SLC36A3: variants seen among roughly 807,000 people sequenced by gnomAD.
The protein encoded by SLC36A3 is solute carrier family 36 member 3.
SLC36A3 carries 35 observed loss-of-function variants against 44.3 expected under a neutral mutation model. The observed-to-expected ratio is 0.79, with a 90% confidence interval of 0.60 to 1.05. The LOEUF (loss-of-function observed/expected upper bound fraction) is 1.05. Ranked by LOEUF, SLC36A3 falls within the 50% of genes least tolerant of loss-of-function variation. The pLI, the probability that SLC36A3 is intolerant of heterozygous loss-of-function variation, is 0.00. For missense variants in SLC36A3, 540 were observed against 578.7 expected (o/e 0.93, Z 0.69); for synonymous variants, 211 against 227.6 (o/e 0.93, Z 0.66).
At chr5:151,283,419 C>A (rs12109313) in intron 8 of SLC36A3, among the ~76,000 whole-genome samples, 24,658 of 152,070 alleles carry the variant, frequency 0.16, 2,596 homozygotes, top group East Asian at 0.3. Flanking sequence ...TAGCTGAGGT[C>A]CCAGGAAGGA....
intron 5 of SLC36A3, among the ~76,000 whole-genome samples, 172 bp downstream of exon 5, chr5:151,288,214 A>G (rs6579847): frequency 0.16 from 24,171 of 152,160 alleles, 2,475 homozygotes; most frequent in East Asian, 0.3. Flanking sequence ...TAGCTCGTCT[A>G]TCCTTTCAAA....
At chr5:151,298,844 C>G (rs113566131) in intron 1 of SLC36A3, among the ~76,000 whole-genome samples, 161 bp from the exon 2 acceptor site, 1,676 of 152,228 alleles carry the variant, frequency 0.011, 18 homozygotes, top group African/African-American at 0.038. Flanking sequence ...GGGGTCTGTC[C>G]TGGAACATCT....
Position 151,277,075 on chromosome 5 carries a change from T to C in SLC36A3, c.*318A>G. 2.9e-6 allele frequency: 1 copy of C among 343,228 alleles called. No individual in the cohort carries two copies. The highest frequency in any genetic ancestry group is 5.4e-6 in the Non-Finnish European group (1 of 186,738). The allele number at this position is 343,228 out of a possible 1,614,324, so 21.3% of individuals were successfully genotyped here. ...AGTGTAGAGAAAACAGTTACTTTTG[T>C]ATTTATGCTTGGTCTCTGTTTCAAG... On this transcript the variant is annotated 3_prime_UTR_variant, in exon 10 of 10. Coordinates refer to ENST00000335230, the MANE Select transcript of SLC36A3 (RefSeq NM_181774.4).
At chr5:151,284,306 C>T (rs1219474623) in intron 7 of SLC36A3, 96 bp from the exon 8 acceptor site, 5 of 1,240,640 alleles carry the variant, frequency 4.0e-6, no homozygotes, top group Non-Finnish European at 5.6e-6. Context: ...ATGTCCTTCC[C>T]CAGGTGGGCC....
intron 1 of SLC36A3, among the ~76,000 whole-genome samples, chr5:151,300,517 G>T (rs74552771): frequency 0.011 from 1,613 of 152,236 alleles, 28 homozygotes; most frequent in African/African-American, 0.037. Context: ...TTCTCCAAAA[G>T]ATGTGGTCCC....
intron 4 of SLC36A3, among the ~76,000 whole-genome samples, chr5:151,292,250 T>C (rs1754785892): frequency 6.6e-6 from 1 of 152,200 alleles, no homozygotes; most frequent in African/African-American, 2.4e-5. Context: ...TTTTAAATGT[T>C]TCTAACTCTT....
chr5:151,284,477 T>G, intron 7 of SLC36A3, 136 bp downstream of exon 7: 1 of 734,270 alleles, frequency 1.4e-6, no homozygotes, highest in Non-Finnish European at 2.2e-6. Flanking sequence ...TGTATGTGGG[T>G]ACAGACTTTC....
At chr5:151,294,333 C>T (rs1754878426) in intron 3 of SLC36A3, among the ~76,000 whole-genome samples, 1 of 152,136 alleles carries the variant, frequency 6.6e-6, no homozygotes, top group African/African-American at 2.4e-5. Flanking sequence ...TTGCATAGAA[C>T]TGGCAAGGAT....
At chr5:151,295,511 G>T (rs1187300183) in intron 3 of SLC36A3, among the ~76,000 whole-genome samples, 2 of 152,142 alleles carry the variant, frequency 1.3e-5, no homozygotes, top group Non-Finnish European at 2.9e-5. Flanking sequence ...GGAGAGTTTT[G>T]TTTACCGTCC....
chr5:151,298,200 GC>G lies in SLC36A3; in HGVS notation c.219+392del, dbSNP rs879399845. 6.9e-4 allele frequency: 111 copies of G among 161,358 alleles called. 1 individual carries two copies. Among genetic ancestry groups the G allele is most frequent in the Admixed American group, 6.3e-3 (102 of 16,110 alleles). The allele number at this position is 161,358 out of a possible 1,614,324, so 10.0% of individuals were successfully genotyped here. A position where few individuals can be genotyped will look rare whatever the true frequency, so the allele number is the denominator to read the frequency against. On this transcript the variant is annotated intron_variant, in intron 2 of 9. Coordinates refer to ENST00000335230, the MANE Select transcript of SLC36A3 (RefSeq NM_181774.4). ...GAGTGGATTGGTGGGATTGATGGAGGCGTCTATCTTCATGTCCAAGACACTT... is the reference window on the plus strand; with the variant it reads ...GAGTGGATTGGTGGGATTGATGGAGGGTCTATCTTCATGTCCAAGACACTT...
At chr5:151,278,809 C>T (rs185934407) in intron 9 of SLC36A3, among the ~76,000 whole-genome samples, 13 of 152,246 alleles carry the variant, frequency 8.5e-5, no homozygotes, top group Non-Finnish European at 4.4e-5. Flanking sequence ...TTTAATAAGC[C>T]GCTTATAGAG....
At position 151,277,353 on chromosome 5, in the gene SLC36A3, G is replaced by T; in HGVS notation, c.*40C>A. 1 of 1,606,152 alleles carries T rather than the reference G, an allele frequency of 6.2e-7. No homozygotes were observed. The highest frequency in any genetic ancestry group is 1.1e-5 in the South Asian group (1 of 90,822). On this transcript the variant is annotated 3_prime_UTR_variant, in exon 10 of 10. Coordinates refer to ENST00000335230, the MANE Select transcript of SLC36A3 (RefSeq NM_181774.4). ...ACATCCACATGGAAGTCAAACTGGG[G>T]ATGGGAGGAAGGGAGAGCTATTAGA...
intron 9 of SLC36A3, among the ~76,000 whole-genome samples, chr5:151,277,926 T>C (rs1169301274): frequency 1.3e-5 from 2 of 152,084 alleles, no homozygotes; most frequent in African/African-American, 4.8e-5. Flanking sequence ...GTTAATAACC[T>C]CCCCACTGTA....
At chr5:151,277,762 A>T in intron 9 of SLC36A3, 101 bp from the exon 10 acceptor site, 1 of 1,436,162 alleles carries the variant, frequency 7.0e-7, no homozygotes, top group East Asian at 2.5e-5. Context: ...ACCACTTTGG[A>T]GAGGTGGGAG....
intron 6 of SLC36A3, among the ~76,000 whole-genome samples, chr5:151,285,070 C>T (rs946444653): frequency 6.6e-6 from 1 of 152,164 alleles, no homozygotes; most frequent in African/African-American, 2.4e-5. Context: ...CCTGGCACCC[C>T]CTGCTCTACT....
At chr5:151,293,530 A>G (rs1754840074) in intron 3 of SLC36A3, 71 bp from the exon 4 acceptor site, 2 of 1,267,504 alleles carry the variant, frequency 1.6e-6, no homozygotes, top group African/African-American at 3.0e-5. Context: ...TCCCAAAGTG[A>G]GTGATTTTTA....
intron 3 of SLC36A3, among the ~76,000 whole-genome samples, chr5:151,295,469 C>T (rs1191615279): frequency 6.6e-6 from 1 of 152,184 alleles, no homozygotes. Context: ...ACTCCAGGTA[C>T]ACCTATTTGG....
Position 151,295,860 on chromosome 5 carries a change from C to A in SLC36A3, c.308+320G>T, listed in dbSNP as rs578045588. Among the ~76,000 whole-genome samples, 8 of 152,278 alleles carry A rather than the reference C, an allele frequency of 5.3e-5. 1 individual carries two copies. The South Asian group carries it at 1.4e-3, about 28-fold the overall frequency. ...GAGGCTAAAAGGAAGAGAAGAAAGT[C>A]TCTGTCTCAAATAAATAGAGTAATT... On this transcript the variant is annotated intron_variant, in intron 3 of 9. Transcript: ENST00000335230.
In SLC36A3 at chr5:151,293,401, G is replaced by C; in HGVS notation, c.367C>G (p.Pro123Ala). The C allele has an allele frequency of 6.2e-7, 1 of 1,613,796 alleles. No homozygotes were observed. The highest frequency in any genetic ancestry group is 2.2e-5 in the East Asian group (1 of 44,880). The part of the protein sequence containing the change: ...EATMYGLETC[P>A]NTWLRAHAVW... ...GCATGGGCCCTCAGCCAGGTGTTCG[G>C]GCAGGTTTCAAGGCCGTACATCGTG... The change falls in exon 4 of 10, where the codon CCG (proline) becomes GCG (alanine). Residue 123 changes from proline to alanine, a missense_variant. Physicochemically the swap from Pro to Ala is conservative, Grantham distance 27. Transcript: ENST00000335230.
Sources: allele counts gnomAD v4.1 joint callset (sites outside exome capture counted in the v4.1 genomes callset), GRCh38; gene constraint gnomAD v4.1.1; transcripts MANE v1.5; gene names NCBI Gene and HGNC (gene_info 2026-07-23, HGNC 2026-07-21).